NAV2: variants seen among roughly 807,000 people sequenced by gnomAD.
NAV2 encodes helicase, APC down-regulated 1.
Under a neutral mutation model 223.2 loss-of-function variants are expected in NAV2, and 54 were observed. The ratio of observed to expected loss-of-function variants is 0.24; its 90% CI spans 0.19 to 0.30. The LOEUF (loss-of-function observed/expected upper bound fraction) is 0.30. Ranked by LOEUF, NAV2 falls within the 10% of genes least tolerant of loss-of-function variation. NAV2 has a pLI of 1.00. For synonymous variants in NAV2, 1,279 were observed against 1,239.3 expected (o/e 1.03, Z -0.67); for missense variants, 2,806 against 3,147.5 (o/e 0.89, Z 2.60).
rs1330255870 is a variant in NAV2, at chr11:19,860,206, C to T, written c.439-8719C>T. 4.2e-3 allele frequency among the ~76,000 whole-genome samples: 519 copies of T among 123,946 alleles called. 3 individuals carry two copies. Among genetic ancestry groups the T allele is most frequent in the African/African-American group, 0.014 (485 of 34,750 alleles). 81.3% of individuals were successfully genotyped at this position (123,946 alleles called of 152,430 possible). On this transcript the variant is annotated intron_variant, in intron 3 of 37. Transcript: ENST00000349880. ...CCTCCCTCCCAGACGGGGTGGCTGC[C>T]GGGCGGAGACGCTCCTCACTTCCCA...
At chr11:19,740,723 GA>G (rs961358783) in intron 1 of NAV2, among the ~76,000 whole-genome samples, 2 of 152,114 alleles carry the variant, frequency 1.3e-5, no homozygotes, top group African/African-American at 4.8e-5. Flanking sequence ...AACATTTATT[GA>G]GTGCTTACTG....
intron 1 of NAV2, among the ~76,000 whole-genome samples, chr11:19,798,641 G>A (rs1034275577): frequency 6.6e-6 from 1 of 152,096 alleles, no homozygotes; most frequent in Non-Finnish European, 1.5e-5. Flanking sequence ...TGGGGTTTTG[G>A]GGATCTGCAA....
intron 1 of NAV2, among the ~76,000 whole-genome samples, chr11:19,484,414 A>C (rs2042377804): frequency 6.6e-6 from 1 of 152,216 alleles, no homozygotes. Flanking sequence ...CTTCTTAGGA[A>C]TCATATATTC....
chr11:19,515,939 A>G (rs1298466390), intron 1 of NAV2, among the ~76,000 whole-genome samples: 1 of 151,960 alleles, frequency 6.6e-6, no homozygotes, highest in Admixed American at 6.5e-5. Flanking sequence ...TGGGCTTGCC[A>G]TTGACTGAGA....
intron 11 of NAV2, among the ~76,000 whole-genome samples, chr11:20,020,718 A>G (rs1169916030): frequency 6.6e-6 from 1 of 152,202 alleles, no homozygotes; most frequent in African/African-American, 2.4e-5. Context: ...ATTTACATGA[A>G]CTTTTATAAA....
intron 1 of NAV2, among the ~76,000 whole-genome samples, chr11:19,597,108 TGA>T (rs1337619371): frequency 1.3e-5 from 2 of 152,176 alleles, no homozygotes; most frequent in African/African-American, 4.8e-5. Context: ...AGCAACCAGG[TGA>T]GTTTCCATAG....
chr11:19,682,057 G>A (rs535883358), intron 1 of NAV2, among the ~76,000 whole-genome samples: 7 of 152,116 alleles, frequency 4.6e-5, no homozygotes, highest in African/African-American at 1.2e-4. Flanking sequence ...TTCCAGGGCT[G>A]CCCACTACCA....
Position 19,871,716 on chromosome 11 carries a change from G to T in NAV2, c.511+2719G>T, listed in dbSNP as rs1822351. On this transcript the variant is annotated intron_variant, in intron 4 of 37. Transcript: ENST00000349880. ...GCAAGGCCTCCTGTCACCTGGCAGC[G>T]GTCCCCCACCAGACAGTCTCTCTCC... 2.6e-5 allele frequency among the ~76,000 whole-genome samples: 4 copies of T among 152,184 alleles called. No individual in the cohort carries two copies. In the South Asian group the frequency reaches 8.3e-4, roughly 32 times the overall value.
At chr11:20,063,898 A>G (rs564454776) in intron 20 of NAV2, among the ~76,000 whole-genome samples, 12 of 152,330 alleles carry the variant, frequency 7.9e-5, no homozygotes, top group African/African-American at 2.9e-4. Context: ...AGTTAAAGAT[A>G]CCAGGGCCTA....
At chr11:19,414,280 A>G (rs1485433210) in intron 1 of NAV2, among the ~76,000 whole-genome samples, 3 of 151,090 alleles carry the variant, frequency 2.0e-5, no homozygotes, top group Non-Finnish European at 4.5e-5. Flanking sequence ...AAACAAACAA[A>G]ACGGGTTGCA....
chr11:19,553,970 A>G (rs2044778162), intron 1 of NAV2, among the ~76,000 whole-genome samples: 2 of 152,244 alleles, frequency 1.3e-5, no homozygotes, highest in Admixed American at 1.3e-4. Flanking sequence ...CTTCACGCCC[A>G]GTAGAAAAAG....
intron 31 of NAV2, among the ~76,000 whole-genome samples, chr11:20,100,276 C>T (rs1227303129): frequency 6.6e-6 from 1 of 152,146 alleles, no homozygotes; most frequent in Non-Finnish European, 1.5e-5. Context: ...GATAAGTTTC[C>T]ACTTGATGTT....
chr11:19,968,291 G>A (rs2048940406), intron 10 of NAV2, among the ~76,000 whole-genome samples: 1 of 152,192 alleles, frequency 6.6e-6, no homozygotes, highest in Non-Finnish European at 1.5e-5. Flanking sequence ...TCCGCTCCTG[G>A]GTTCAAGCTC....
intron 1 of NAV2, among the ~76,000 whole-genome samples, chr11:19,487,935 C>T (rs2042500757): frequency 6.6e-6 from 1 of 152,110 alleles, no homozygotes; most frequent in Admixed American, 6.6e-5. Flanking sequence ...CTCCAAGCCA[C>T]AAAGTTTAGG....
At chr11:19,648,011 G>C (rs2047865299) in intron 1 of NAV2, among the ~76,000 whole-genome samples, 1 of 152,180 alleles carries the variant, frequency 6.6e-6, no homozygotes, top group Non-Finnish European at 1.5e-5. Context: ...TGTGGGACAG[G>C]CTTCTCTGTA....
intron 3 of NAV2, among the ~76,000 whole-genome samples, chr11:19,856,641 A>T (rs569588284): frequency 4.7e-4 from 71 of 152,342 alleles, no homozygotes; most frequent in African/African-American, 1.6e-3. Flanking sequence ...TGCTGGCAGA[A>T]TTTGAAATTA....
At chr11:19,995,764 A>G (rs1348286489) in intron 11 of NAV2, among the ~76,000 whole-genome samples, 3 of 152,190 alleles carry the variant, frequency 2.0e-5, no homozygotes, top group South Asian at 4.1e-4. Context: ...CAGAGATGAC[A>G]CTCATGAAAT....
chr11:19,663,885 G>A (rs2040372466), intron 1 of NAV2, among the ~76,000 whole-genome samples: 1 of 152,076 alleles, frequency 6.6e-6, no homozygotes, highest in Admixed American at 6.6e-5. Context: ...TTCTGCTATG[G>A]GGCAGGGATG....
chr11:19,854,410 C>CA (rs1565432748), intron 3 of NAV2, among the ~76,000 whole-genome samples: 1 of 152,122 alleles, frequency 6.6e-6, no homozygotes, highest in Admixed American at 6.5e-5. Context: ...GCTTTTAAAA[C>CA]AAAAACTGAA....
Sources: allele counts gnomAD v4.1 joint callset (sites outside exome capture counted in the v4.1 genomes callset), GRCh38; gene constraint gnomAD v4.1.1; transcripts MANE v1.5; gene names NCBI Gene and HGNC (gene_info 2026-07-23, HGNC 2026-07-21).